RABGGTA: variants seen among roughly 807,000 people sequenced by gnomAD.
RABGGTA encodes Rab geranylgeranyltransferase subunit alpha, also known as geranylgeranyl transferase type-2 subunit alpha.
A neutral mutation model predicts 83.3 loss-of-function variants in RABGGTA; 69 were observed. The ratio of observed to expected loss-of-function variants is 0.83; its 90% confidence interval spans 0.68 to 1.01. The LOEUF (loss-of-function observed/expected upper bound fraction) is 1.01, where lower values mean the gene tolerates loss of function less well. RABGGTA is among the 50% of genes least tolerant of loss of function. The pLI, the probability that RABGGTA is intolerant of heterozygous loss-of-function variation, is 0.00. For synonymous variants in RABGGTA, 310 were observed against 299.8 expected (o/e 1.03, Z -0.35); for missense variants, 681 against 712.7 (o/e 0.96, Z 0.51).
chr14:24,270,720 T>G, intron 3 of RABGGTA, 117 bp downstream of exon 3: 1 of 1,420,202 alleles, frequency 7.0e-7, no homozygotes, highest in Non-Finnish European at 9.5e-7. Context: ...GTCATACAGT[T>G]ATAAGTGAGA....
intron 12 of RABGGTA, 35 bp downstream of exon 12, chr14:24,268,075 C>T (rs1364948640): frequency 6.2e-7 from 1 of 1,611,772 alleles, no homozygotes. Context: ...CCTCAGCGGG[C>T]TCTGGGAGCA....
At position 24,271,176 on chromosome 14, in the gene RABGGTA, A is replaced by T. The variant is rs2040945284; in HGVS notation, c.-54-7T>A. 26 of 1,494,074 alleles carry T rather than the reference A, an allele frequency of 1.7e-5. No individual in the cohort carries two copies. In the South Asian group the frequency reaches 3.1e-4, roughly 18 times the overall value. 92.6% of individuals were successfully genotyped at this position (1,494,074 alleles called of 1,614,324 possible). ...CAGTGGTAGCCCTTGAAGTCTGAGG[A>T]GAGAAGTGTCAATCACGTAGCCCCG... On this transcript the variant is annotated splice_polypyrimidine_tract_variant and splice_region_variant and intron_variant, in intron 1 of 16. Coordinates refer to ENST00000216840, the MANE Select transcript of RABGGTA (RefSeq NM_182836.3).
intron 14 of RABGGTA, among the ~76,000 whole-genome samples, 157 bp from the exon 15 acceptor site, chr14:24,267,046 C>T (rs577182395): frequency 6.6e-6 from 1 of 152,318 alleles, no homozygotes; most frequent in African/African-American, 2.4e-5. Context: ...GCTGACCTTA[C>T]AGCCCACAGC....
At position 24,268,759 on chromosome 14, in the gene RABGGTA, G is replaced by T. The variant is rs767929445; in HGVS notation, c.866C>A (p.Thr289Asn). ...GCTGGGCCGGTTCCTGCCATCTGGG[G>T]TCCTCCACTCCACAATCAGGGGAGA... is the stretch of plus-strand genomic sequence containing the variant. ...DDSPLIVEWR[T>N]PDGRNRPSHV... The change falls in exon 9 of 17, where the codon ACC becomes AAC. Residue 289 changes from threonine to asparagine, a missense_variant. By Grantham distance (65) the Thr-to-Asn change is moderately conservative. Coordinates refer to ENST00000216840, the MANE Select transcript of RABGGTA (RefSeq NM_182836.3). 3.2e-6 allele frequency: 5 copies of T among 1,584,472 alleles called. No individual in the cohort carries two copies. The highest frequency in any genetic ancestry group is 1.7e-6 in the Non-Finnish European group (2 of 1,165,580).
chr14:24,268,981 T>C lies in RABGGTA; in HGVS notation c.728A>G (p.Asp243Gly). 1.9e-6 allele frequency: 3 copies of C among 1,585,844 alleles called. No individual in the cohort carries two copies. Among genetic ancestry groups the C allele is most frequent in the Non-Finnish European group, 1.7e-6 (2 of 1,164,932 alleles). The part of the protein sequence containing the change: ...RWLLGRADPQ[D>G]ALRCLHVSRD... ...GCTCACATGCAGGCAGCGCAGTGCA[T>C]CCTGGGGGTCAGCTGCGGGGAGACA... The change falls in exon 8 of 17, where the codon GAT becomes GGT. Residue 243 changes from aspartate to glycine, a missense_variant. By Grantham distance (94) the Asp-to-Gly change is moderately conservative. This residue lies in a region of RABGGTA where 421 missense variants were observed against 418.5 expected (regional missense o/e 1.01). Coordinates refer to ENST00000216840, the MANE Select transcript of RABGGTA (RefSeq NM_182836.3).
chr14:24,270,764 A>T, intron 3 of RABGGTA, 73 bp downstream of exon 3: 2 of 1,550,342 alleles, frequency 1.3e-6, no homozygotes, highest in South Asian at 1.2e-5. Flanking sequence ...GTCTGACTCT[A>T]GGGACCAGCT....
chr14:24,267,024 A>G, intron 14 of RABGGTA, 135 bp from the exon 15 acceptor site: 1 of 666,754 alleles, frequency 1.5e-6, no homozygotes. Flanking sequence ...AGAGGATGGG[A>G]GCATGTGGGA....
In RABGGTA at chr14:24,266,026, G is replaced by A. The variant is rs2139035482; in HGVS notation, c.1556-263C>T. On this transcript the variant is annotated intron_variant, in intron 16 of 16. Transcript: ENST00000216840. ...GTATGATAAGGTGGAAATCTAGCCT[G>A]GTCCAAAGAGACATTTACTATTCAG... 1.3e-5 allele frequency among the ~76,000 whole-genome samples: 2 copies of A among 152,294 alleles called. 1 individual carries two copies. Among genetic ancestry groups the A allele is most frequent in the Middle Eastern group, 6.8e-3 (2 of 294 alleles).
intron 15 of RABGGTA, 57 bp downstream of exon 15, chr14:24,266,719 G>A (rs1458687692): frequency 8.1e-6 from 12 of 1,481,372 alleles, no homozygotes; most frequent in African/African-American, 1.4e-5. Flanking sequence ...AGACTTCTGA[G>A]GGAGAGGAAG....
chr14:24,268,932 GAC>G lies in RABGGTA; in HGVS notation c.775_776del (p.Val259LeufsTer20), dbSNP rs1297281231. On this transcript the variant is annotated frameshift_variant, in exon 8 of 17. Coordinates refer to ENST00000216840, the MANE Select transcript of RABGGTA (RefSeq NM_182836.3). LOFTEE classifies it high-confidence loss of function. ...HVSRDEACLT[V>X]SFSRPLLVGS... ...TCACTAAGAGGGGCCGAGAGAAGGAGACAGTCAGACAGGCCTCGTCCCGGCTC... is the reference window on the plus strand; with the variant it reads ...TCACTAAGAGGGGCCGAGAGAAGGAGAGTCAGACAGGCCTCGTCCCGGCTC... The G allele has an allele frequency of 6.3e-7, 1 of 1,586,544 alleles. No individual in the cohort carries two copies. The highest frequency in any genetic ancestry group is 1.8e-5 in the Admixed American group (1 of 56,416).
In RABGGTA at chr14:24,270,820, A is replaced by G. The variant is rs2040938691; in HGVS notation, c.114+17T>C. 6.2e-7 allele frequency: 1 copy of G among 1,611,632 alleles called. No homozygotes were observed. The highest frequency in any genetic ancestry group is 1.7e-5 in the Admixed American group (1 of 59,588). ...AAGGGAGCTACTTGGGGTCGGGGCT[A>G]CCTCTGAGGGCCCCACCTTCTGGAA... On this transcript the variant is annotated intron_variant, in intron 3 of 16. Coordinates refer to ENST00000216840, the MANE Select transcript of RABGGTA (RefSeq NM_182836.3).
chr14:24,269,256 G>T, intron 6 of RABGGTA, 93 bp from the exon 7 acceptor site: 1 of 1,255,638 alleles, frequency 8.0e-7, no homozygotes, highest in Non-Finnish European at 1.1e-6. Context: ...AGTACTTCCA[G>T]CCCCCAGTCT....
At chr14:24,270,778 G>C (rs1454580069) in intron 3 of RABGGTA, 59 bp downstream of exon 3, 1 of 1,573,668 alleles carries the variant, frequency 6.4e-7, no homozygotes, top group Admixed American at 1.9e-5. Context: ...ACCAGCTCTT[G>C]GCCTCTGCAC....
In RABGGTA at chr14:24,265,556, C is replaced by A; in HGVS notation, c.*59G>T. The A allele has an allele frequency of 6.4e-7, 1 of 1,568,586 alleles. No homozygotes were observed. On this transcript the variant is annotated 3_prime_UTR_variant, in exon 17 of 17. Coordinates refer to ENST00000216840, the MANE Select transcript of RABGGTA (RefSeq NM_182836.3). ...CAACAGCTTGGTAGCCTGAGAGGGC[C>A]TCTCCATTCTTTATTCAGTCCCAAT...
rs2139034842 is a variant in RABGGTA at position 24,265,672 on chromosome 14, C to A, written c.1647G>T (p.Val549=). The part of the protein sequence containing the change: ...NLQGNPLCQA[V]GILEQLAELL... ...GTTCAGCCAGTTGCTCCAAGATGCC[C>A]ACCGCTTGGCACAGCGGGTTACCCT... is the stretch of plus-strand genomic sequence containing the variant. Residue 549 remains valine (V), a synonymous_variant, in exon 17 of 17, where the codon GTG becomes GTT. Transcript: ENST00000216840. The A allele has an allele frequency of 6.2e-7, 1 of 1,613,552 alleles. No homozygotes were observed. Among genetic ancestry groups the A allele is most frequent in the South Asian group, 1.1e-5 (1 of 90,968 alleles).
chr14:24,269,386 T>C (rs754203589), intron 6 of RABGGTA, 105 bp downstream of exon 6: 8 of 1,338,052 alleles, frequency 6.0e-6, no homozygotes, highest in Middle Eastern at 5.0e-4. Context: ...ACGCATGAAG[T>C]AGGTGCTCAA....
intron 2 of RABGGTA, 81 bp from the exon 3 acceptor site, chr14:24,271,028 G>C (rs1437686855): frequency 1.3e-6 from 2 of 1,592,970 alleles, no homozygotes; most frequent in Non-Finnish European, 1.7e-6. Context: ...TGGAGCCCTA[G>C]GTTCATACGG....
rs756581262 is a variant in RABGGTA at position 24,268,383 on chromosome 14, G to A, written c.1044C>T (p.Asp348=). ...QEGWCRDSTT[D]EQLFRCELSV... is the part of the protein sequence containing the mutation. ...CCTATCACCACCTGAATAGCTGCTC[G>A]TCTGTCGTGGAGTCCCGGCACCAGC... Residue 348 remains aspartate (D), a synonymous_variant, in exon 11 of 17, where the codon GAC becomes GAT. Coordinates refer to ENST00000216840, the MANE Select transcript of RABGGTA (RefSeq NM_182836.3). 30 of 1,613,192 alleles carry A rather than the reference G, an allele frequency of 1.9e-5. No homozygotes were observed. The highest frequency in any genetic ancestry group is 1.8e-4 in the Middle Eastern group (1 of 5,486).
intron 2 of RABGGTA, 60 bp from the exon 3 acceptor site, chr14:24,271,007 A>G (rs2040942029): frequency 1.2e-6 from 2 of 1,602,440 alleles, no homozygotes; most frequent in Admixed American, 3.5e-5. Flanking sequence ...ACCTGCAAAA[A>G]CCCCACACTG....
Sources: gnomAD v4.1 joint callset for allele counts (sites outside exome capture counted in the v4.1 genomes callset) on GRCh38, gnomAD v4.1.1 for gene constraint, gnomAD v4.1.1 regional missense constraint, MANE v1.5 for transcripts, NCBI Gene and HGNC (gene_info 2026-07-23, HGNC 2026-07-21) for gene names.